Variants in SCYL3 observed in about 807,000 individuals in gnomAD.
SCYL3 encodes protein-associating with the carboxyl-terminal domain of ezrin.
SCYL3 carries 35 observed loss-of-function variants against 73.8 expected under a neutral mutation model. The ratio of observed to expected loss-of-function variants is 0.47; its 90% confidence interval spans 0.36 to 0.63. The LOEUF is 0.63. Among genes scored for constraint, SCYL3 ranks in the 20% least tolerant of loss-of-function variants. The pLI is 0.00. For missense variants in SCYL3, 712 were observed against 798.9 expected (o/e 0.89, Z 1.31); for synonymous variants, 277 against 295.2 (o/e 0.94, Z 0.63).
Position 169,852,678 on chromosome 1 carries a change from T to C in SCYL3, c.*1035A>G. On this transcript the variant is annotated 3_prime_UTR_variant, in exon 13 of 13. Coordinates refer to ENST00000367771, the MANE Select transcript of SCYL3 (RefSeq NM_020423.7). ...GGTTTTGGGGTGCATCCTCCTACCCTTGTGATCCAATGACTAGAATAAAAT... is the reference window on the plus strand; with the variant it reads ...GGTTTTGGGGTGCATCCTCCTACCCCTGTGATCCAATGACTAGAATAAAAT... 8.9e-7 allele frequency: 1 copy of C among 1,125,976 alleles called. No homozygotes were observed. The highest frequency in any genetic ancestry group is 1.3e-6 in the Non-Finnish European group (1 of 778,800). 69.7% of individuals were successfully genotyped at this position (1,125,976 alleles called of 1,614,324 possible).
Position 169,880,454 on chromosome 1 carries a change from C to T in SCYL3, c.166-1635G>A, listed in dbSNP as rs181025202. Among the ~76,000 whole-genome samples the T allele has an allele frequency of 1.8e-4, 17 of 93,604 alleles. 2 individuals are homozygous for T. Among genetic ancestry groups the T allele is most frequent in the East Asian group, 1.8e-3 (9 of 5,126 alleles). 61.4% of individuals were successfully genotyped at this position (93,604 alleles called of 152,430 possible). A position where few individuals can be genotyped will look rare whatever the true frequency, so the allele number is the denominator to read the frequency against. The stretch of plus-strand genomic sequence containing the variant: ...AGGAGAATGATGATTTAAACAACTG[C>T]AGACTTCTCATCAGGAAAGGTGGAG... On this transcript the variant is annotated intron_variant, in intron 2 of 12. Coordinates refer to ENST00000367771, the MANE Select transcript of SCYL3 (RefSeq NM_020423.7).
At chr1:169,887,752 T>C (rs956837269) in intron 2 of SCYL3, among the ~76,000 whole-genome samples, 1 of 152,210 alleles carries the variant, frequency 6.6e-6, no homozygotes, top group African/African-American at 2.4e-5. Flanking sequence ...AACCATCTTA[T>C]AACAATTTCA....
At chr1:169,856,708 T>TCCA (rs1024438495) in intron 11 of SCYL3, among the ~76,000 whole-genome samples, 1 of 152,158 alleles carries the variant, frequency 6.6e-6, no homozygotes, top group African/African-American at 2.4e-5. Flanking sequence ...AACCATGTTC[T>TCCA]CCACCTCTCT....
chr1:169,853,636 C>G lies in SCYL3; in HGVS notation c.*77G>C, dbSNP rs370234381. On this transcript the variant is annotated 3_prime_UTR_variant, in exon 13 of 13. Transcript: ENST00000367771. Reference sequence around the variant, plus strand: ...AGGCCACTTTGGGGTTTTCTTGTCCCAAAGCCTGCTTTTGAGGTATTGATT... The same window carrying G: ...AGGCCACTTTGGGGTTTTCTTGTCCGAAAGCCTGCTTTTGAGGTATTGATT... 37 of 1,522,592 alleles carry G rather than the reference C, an allele frequency of 2.4e-5. No individual in the cohort carries two copies. Among genetic ancestry groups the G allele is most frequent in the Non-Finnish European group, 2.9e-5 (32 of 1,108,682 alleles). The allele number at this position is 1,522,592 out of a possible 1,614,324, so 94.3% of individuals were successfully genotyped here.
rs758909933 is a variant in SCYL3 at position 169,854,861 on chromosome 1, A to G, written c.1416T>C (p.Ser472=). The G allele has an allele frequency of 6.2e-7, 1 of 1,614,000 alleles. No individual in the cohort carries two copies. The highest frequency in any genetic ancestry group is 1.7e-5 in the Admixed American group (1 of 60,008). ...GTTCACTCCAGTCAGGCCACTCCTC[A>G]GACTTTTTAGAACTTGATGGGAAGT... ...SENFPSSSKK[S]EEWPDWSEPE... Residue 472 remains serine, a synonymous_variant, in exon 12 of 13, where the codon TCT becomes TCC. Transcript: ENST00000367771.
In SCYL3 at chr1:169,853,624, G is replaced by GTTT. The variant is rs1658715066; in HGVS notation, c.*86_*88dup. ...GATGGGAAAAGCAGGCCACTTTGGG[G>GTTT]TTTTCTTGTCCCAAAGCCTGCTTTT... On this transcript the variant is annotated 3_prime_UTR_variant, in exon 13 of 13. Transcript: ENST00000367771. 2.8e-6 allele frequency: 4 copies of GTTT among 1,421,682 alleles called. No homozygotes were observed. The African/African-American group carries it at 5.7e-5, about 20-fold the overall frequency. The allele number at this position is 1,421,682 out of a possible 1,614,324, so 88.1% of individuals were successfully genotyped here.
intron 6 of SCYL3, 177 bp from the exon 7 acceptor site, chr1:169,869,216 G>C: frequency 3.5e-6 from 2 of 572,764 alleles, no homozygotes; most frequent in Non-Finnish European, 6.3e-6. Flanking sequence ...GGTGTAGAAA[G>C]TTGTCCTGCC....
chr1:169,875,128 G>C (rs951922345), intron 4 of SCYL3, among the ~76,000 whole-genome samples: 8 of 152,194 alleles, frequency 5.3e-5, no homozygotes. Flanking sequence ...AGATGTCTTT[G>C]TGGTAGAACA....
chr1:169,854,489 T>A lies in SCYL3; in HGVS notation c.1788A>T (p.Pro596=), dbSNP rs753638322. ...ATTCCTCTCCTAAACCAAGTTCTGA[T>A]GGAACCTTAAGGGGCCTTTCTTGTG... ...VSSQERPLKV[P]SELGLGEEFT... Residue 596 remains proline, a synonymous_variant, in exon 12 of 13, where the codon CCA becomes CCT. Coordinates refer to ENST00000367771, the MANE Select transcript of SCYL3 (RefSeq NM_020423.7). 1 of 1,614,136 alleles carries A rather than the reference T, an allele frequency of 6.2e-7. No homozygotes were observed. Among genetic ancestry groups the A allele is most frequent in the South Asian group, 1.1e-5 (1 of 91,080 alleles).
chr1:169,856,684 TGTC>T (rs1159532630), intron 11 of SCYL3, among the ~76,000 whole-genome samples: 1 of 152,178 alleles, frequency 6.6e-6, no homozygotes, highest in African/African-American at 2.4e-5. Context: ...CCTTATCCGA[TGTC>T]TTCTTCTCTG....
chr1:169,860,786 A>G (rs1379658466), intron 10 of SCYL3, among the ~76,000 whole-genome samples: 1 of 152,162 alleles, frequency 6.6e-6, no homozygotes, highest in Non-Finnish European at 1.5e-5. Context: ...TCCCTCTACT[A>G]TATCCACTGT....
chr1:169,883,132 T>C (rs1319141028), intron 2 of SCYL3, among the ~76,000 whole-genome samples: 1 of 151,602 alleles, frequency 6.6e-6, no homozygotes, highest in Admixed American at 6.6e-5. Context: ...ACTCCGAACA[T>C]GAGAAGGAAC....
At chr1:169,882,223 C>T (rs1266393716) in intron 2 of SCYL3, among the ~76,000 whole-genome samples, 1 of 152,222 alleles carries the variant, frequency 6.6e-6, no homozygotes, top group Non-Finnish European at 1.5e-5. Context: ...CAGGCCCTGC[C>T]ACCCGGGGCA....
At chr1:169,879,330 G>C (rs1006735871) in intron 2 of SCYL3, among the ~76,000 whole-genome samples, 39 of 152,192 alleles carry the variant, frequency 2.6e-4, no homozygotes, top group African/African-American at 9.4e-4. Context: ...CTGGCTGAAA[G>C]AACGATAGAA....
chr1:169,864,821 G>A (rs959650458), intron 8 of SCYL3, among the ~76,000 whole-genome samples: 4 of 152,032 alleles, frequency 2.6e-5, no homozygotes, highest in Non-Finnish European at 4.4e-5. Context: ...TTAGCCGGGC[G>A]TGGTGGCAGA....
intron 1 of SCYL3, among the ~76,000 whole-genome samples, chr1:169,892,497 C>T (rs12077708): frequency 0.041 from 6,240 of 152,282 alleles, 383 homozygotes; most frequent in African/African-American, 0.13. Context: ...TTCCAAAATG[C>T]TTTCCTGTTG....
chr1:169,862,011 A>G (rs1157547727), intron 10 of SCYL3, among the ~76,000 whole-genome samples: 2 of 152,250 alleles, frequency 1.3e-5, no homozygotes, highest in Non-Finnish European at 2.9e-5. Context: ...AGAAGCTTGT[A>G]AAGAGGAGTC....
intron 9 of SCYL3, 84 bp from the exon 10 acceptor site, chr1:169,862,881 C>A: frequency 8.0e-7 from 1 of 1,247,468 alleles, no homozygotes; most frequent in East Asian, 2.4e-5. Context: ...TACACTGAAC[C>A]CAAAACTACA....
chr1:169,852,669 C>T lies in SCYL3; in HGVS notation c.*1044G>A, dbSNP rs1658541869. 1 of 1,045,882 alleles carries T rather than the reference C, an allele frequency of 9.6e-7. No individual in the cohort carries two copies. The highest frequency in any genetic ancestry group is 1.4e-6 in the Non-Finnish European group (1 of 714,994). 64.8% of individuals were successfully genotyped at this position (1,045,882 alleles called of 1,614,324 possible). A position where few individuals can be genotyped will look rare whatever the true frequency, so the allele number is the denominator to read the frequency against. On this transcript the variant is annotated 3_prime_UTR_variant, in exon 13 of 13. Transcript: ENST00000367771. ...CTGTGTAGGGGTTTTGGGGTGCATC[C>T]TCCTACCCTTGTGATCCAATGACTA...
Sources: gnomAD v4.1 joint callset for allele counts (sites outside exome capture counted in the v4.1 genomes callset) on GRCh38, gnomAD v4.1.1 for gene constraint, MANE v1.5 for transcripts, NCBI Gene and HGNC (gene_info 2026-07-23, HGNC 2026-07-21) for gene names.